The following NBPF11 variants were observed in gnomAD, a reference collection of about 807,000 sequenced individuals.
NBPF11 encodes the protein NBPF member 11, also known as NBPF family member NBPF11.
In NBPF11, 72 loss-of-function variants were observed where a neutral mutation model predicts 93.9. The observed-to-expected ratio is 0.77, with a 90% CI of 0.63 to 0.93. The LOEUF (loss-of-function observed/expected upper bound fraction) is 0.93, where lower values mean the gene tolerates loss of function less well. Ranked by LOEUF, NBPF11 falls within the 40% of genes least tolerant of loss-of-function variation. NBPF11 has a pLI of 0.00. For missense variants in NBPF11, 705 were observed against 802.2 expected (o/e 0.88, Z 1.46); for synonymous variants, 224 against 304.9 (o/e 0.73, Z 2.76).
chr1:148,108,842 GACACACACACACACACACACACACAC>G (rs71270029), intron 17 of NBPF11, among the ~76,000 whole-genome samples, 188 bp from the exon 18 acceptor site: 8 of 112,812 alleles, frequency 7.1e-5, no homozygotes, highest in South Asian at 3.5e-4. Context: ...GAAAGAGAAA[GACACACACACACACACACACACACAC>G]ACACACACAC....
chr1:148,129,147 TATATATA>T (rs1669794582), intron 4 of NBPF11, among the ~76,000 whole-genome samples: 1 of 142,082 alleles, frequency 7.0e-6, no homozygotes, highest in South Asian at 2.2e-4. Context: ...TATACACATG[TATATATA>T]TTATATATAT....
chr1:148,151,411 G>A (rs1342829315), intron 1 of NBPF11, among the ~76,000 whole-genome samples: 1 of 151,998 alleles, frequency 6.6e-6, no homozygotes, highest in African/African-American at 2.4e-5. Flanking sequence ...GAACGGCCTC[G>A]AGGGTGGGGT....
chr1:148,120,294 C>T (rs1180074278), intron 10 of NBPF11, among the ~76,000 whole-genome samples: 9 of 151,464 alleles, frequency 5.9e-5, no homozygotes, highest in South Asian at 2.1e-4. Context: ...TCTAGTCCCA[C>T]CCCCACCTGA....
intron 1 of NBPF11, chr1:148,146,486 C>T (rs1673103088): frequency 1.2e-5 from 20 of 1,604,274 alleles, no homozygotes; most frequent in Admixed American, 8.3e-5. Context: ...TTCCTGCCGC[C>T]GGAGGCCACC....
In NBPF11 at chr1:148,108,075, G is replaced by T. The variant is rs1325077997; in HGVS notation, c.2027-313C>A. On this transcript the variant is annotated intron_variant, in intron 18 of 23. Coordinates refer to ENST00000682118, the MANE Select transcript of NBPF11 (RefSeq NM_001385469.3). ...AAATGCCCCCAAATGGTTGCTAGGAGAAAAACTGCACTATTCAGCCCTGTC... is the reference window on the plus strand; with the variant it reads ...AAATGCCCCCAAATGGTTGCTAGGATAAAAACTGCACTATTCAGCCCTGTC... Among the ~76,000 whole-genome samples the T allele has an allele frequency of 5.3e-5, 8 of 150,238 alleles. No homozygotes were observed. The Admixed American group carries it at 5.3e-4, about 10-fold the overall frequency.
intron 2 of NBPF11, among the ~76,000 whole-genome samples, chr1:148,142,538 C>T (rs2149294622): frequency 6.6e-6 from 1 of 152,008 alleles, no homozygotes; most frequent in African/African-American, 2.4e-5. Context: ...CTGACATCGT[C>T]CATTTGTCAT....
chr1:148,133,018 G>C (rs1328747310), intron 4 of NBPF11, among the ~76,000 whole-genome samples: 1 of 148,770 alleles, frequency 6.7e-6, no homozygotes, highest in Non-Finnish European at 1.5e-5. Context: ...CCAAAGTGCT[G>C]AGATTACAAG....
At chr1:148,109,408 A>G in intron 16 of NBPF11, 73 bp from the exon 17 acceptor site, 1 of 913,038 alleles carries the variant, frequency 1.1e-6, no homozygotes. Flanking sequence ...TCCTCTGTCC[A>G]ATCCTAACAC....
chr1:148,148,974 C>T (rs1647490639), intron 1 of NBPF11, among the ~76,000 whole-genome samples: 1 of 151,190 alleles, frequency 6.6e-6, no homozygotes, highest in Admixed American at 6.5e-5. Context: ...CTGGCTTCGC[C>T]CACCGCCACG....
intron 1 of NBPF11, among the ~76,000 whole-genome samples, chr1:148,147,165 C>A (rs1314586072): frequency 6.6e-6 from 1 of 152,150 alleles, no homozygotes; most frequent in African/African-American, 2.4e-5. Context: ...TCCCTGGGAA[C>A]CCCTGGCCTG....
At chr1:148,126,750 G>A in intron 5 of NBPF11, 79 bp downstream of exon 5, 1 of 1,331,782 alleles carries the variant, frequency 7.5e-7, no homozygotes, top group Non-Finnish European at 1.1e-6. Context: ...GTACAGGAAG[G>A]ATGAAATTAT....
At chr1:148,149,116 C>T in intron 1 of NBPF11, 19 of 1,547,410 alleles carry the variant, frequency 1.2e-5, no homozygotes, top group South Asian at 3.5e-5. Context: ...GGGAAGGGTG[C>T]GCGCGCGTTG....
At chr1:148,132,528 A>G (rs1670576768) in intron 4 of NBPF11, among the ~76,000 whole-genome samples, 1 of 149,800 alleles carries the variant, frequency 6.7e-6, no homozygotes, top group African/African-American at 2.5e-5. Flanking sequence ...TTCTACCAAA[A>G]TGCCACTTGG....
chr1:148,120,139 C>T (rs1263704043), intron 10 of NBPF11, among the ~76,000 whole-genome samples: 6 of 151,912 alleles, frequency 3.9e-5, no homozygotes, highest in African/African-American at 1.2e-4. Flanking sequence ...TCACTAGTCT[C>T]AGATATTTAG....
intron 7 of NBPF11, 136 bp from the exon 8 acceptor site, chr1:148,122,937 C>T (rs1182448519): frequency 6.5e-5 from 99 of 1,521,388 alleles, no homozygotes; most frequent in Admixed American, 1.7e-5. Flanking sequence ...TTATCCTTCA[C>T]AAAATGCCCT....
rs1667875997 is a variant in NBPF11 at position 148,121,599 on chromosome 1, C to T, written c.778+456G>A. 2.6e-5 allele frequency among the ~76,000 whole-genome samples: 4 copies of T among 151,842 alleles called. No individual in the cohort carries two copies. In the South Asian group the frequency reaches 6.2e-4, roughly 24 times the overall value. On this transcript the variant is annotated intron_variant, in intron 9 of 23. Coordinates refer to ENST00000682118, the MANE Select transcript of NBPF11 (RefSeq NM_001385469.3). The stretch of plus-strand genomic sequence containing the variant: ...CTCAATCTCCTGACCTCGTGATCCA[C>T]CCGCCTCGGCCTCCCAAAGTGCTCG...
At chr1:148,111,591 A>C (rs200887558) in intron 15 of NBPF11, among the ~76,000 whole-genome samples, 1 of 149,264 alleles carries the variant, frequency 6.7e-6, no homozygotes, top group African/African-American at 2.5e-5. Context: ...CATGGCACGA[A>C]AACTACGTGA....
Position 148,108,436 on chromosome 1 carries a change from C to A in NBPF11, c.2026+46G>T. ...CTTGCAGTAGGAATATGACCCTAAA[C>A]AGAAGACTCAGTGGATCCTTATCAC... On this transcript the variant is annotated intron_variant, in intron 18 of 23. Transcript: ENST00000682118. 4 of 1,307,378 alleles carry A rather than the reference C, an allele frequency of 3.1e-6. No individual in the cohort carries two copies. The South Asian group carries it at 3.5e-5, about 12-fold the overall frequency. 81.0% of individuals were successfully genotyped at this position (1,307,378 alleles called of 1,614,324 possible).
At chr1:148,116,987 A>C (rs1291592393) in intron 12 of NBPF11, among the ~76,000 whole-genome samples, 22 of 152,196 alleles carry the variant, frequency 1.4e-4, no homozygotes, top group African/African-American at 5.3e-4. Flanking sequence ...TTATTCAGGG[A>C]CATTCTATCC....
Sources: allele counts gnomAD v4.1 joint callset (sites outside exome capture counted in the v4.1 genomes callset), GRCh38; gene constraint gnomAD v4.1.1; transcripts MANE v1.5; gene names NCBI Gene and HGNC (gene_info 2026-07-23, HGNC 2026-07-21).